The following MAP3K9 variants were observed in gnomAD, a reference collection of about 807,000 sequenced individuals.
MAP3K9 encodes mitogen-activated protein kinase kinase kinase 9.
A neutral mutation model predicts 95.8 loss-of-function variants in MAP3K9; 46 were observed. The ratio of observed to expected loss-of-function variants is 0.48; its 90% CI spans 0.38 to 0.61. The LOEUF (loss-of-function observed/expected upper bound fraction) is 0.61, where lower values mean the gene tolerates loss of function less well. MAP3K9 is among the 20% of genes least tolerant of loss of function. MAP3K9 has a pLI of 0.00. For missense variants in MAP3K9, 1,296 were observed against 1,474.3 expected (o/e 0.88, Z 1.98); for synonymous variants, 533 against 593.8 (o/e 0.90, Z 1.49).
chr14:70,784,526 T>C (rs1425622620), intron 2 of MAP3K9, among the ~76,000 whole-genome samples: 1 of 152,122 alleles, frequency 6.6e-6, no homozygotes, highest in Admixed American at 6.6e-5. Flanking sequence ...GCAGATCACT[T>C]GAGGACAGGA....
At chr14:70,744,757 C>T (rs1013823423) in intron 5 of MAP3K9, among the ~76,000 whole-genome samples, 37 of 152,294 alleles carry the variant, frequency 2.4e-4, no homozygotes, top group Admixed American at 9.2e-4. Context: ...GCAGACCGTG[C>T]CCCTGCAAAT....
intron 5 of MAP3K9, among the ~76,000 whole-genome samples, chr14:70,743,185 A>G (rs1381947557): frequency 6.6e-6 from 1 of 152,000 alleles, no homozygotes; most frequent in African/African-American, 2.4e-5. Flanking sequence ...ATTAGGTTTT[A>G]CCATGTTGGC....
intron 2 of MAP3K9, among the ~76,000 whole-genome samples, chr14:70,778,501 C>G (rs148739145): frequency 0.012 from 1,822 of 152,204 alleles, 47 homozygotes; most frequent in African/African-American, 0.042. Flanking sequence ...GTCTCAAACT[C>G]CTGACCTCAG....
At chr14:70,806,291 C>T (rs1402661880) in intron 1 of MAP3K9, among the ~76,000 whole-genome samples, 1 of 152,194 alleles carries the variant, frequency 6.6e-6, no homozygotes, top group African/African-American at 2.4e-5. Context: ...ACTTAATCTC[C>T]CTCATGTAAC....
intron 1 of MAP3K9, 126 bp from the exon 2 acceptor site, chr14:70,801,206 T>C: frequency 1.2e-6 from 1 of 862,386 alleles, no homozygotes; most frequent in South Asian, 1.8e-5. Context: ...TGTCTCCCCA[T>C]TATAAAGCAA....
Position 70,764,822 on chromosome 14 carries a change from T to TGA in MAP3K9, c.821-3642_821-3641dup, listed in dbSNP as rs1269857923. On this transcript the variant is annotated intron_variant, in intron 2 of 11. Transcript: ENST00000554752. Reference sequence around the variant, plus strand: ...ACTTCAGTTTGGGTGGCAGAGTGAGTGAGACCTCTCTCTCAAAAACAAACA... The same window carrying TGA: ...ACTTCAGTTTGGGTGGCAGAGTGAGTGAGAGACCTCTCTCTCAAAAACAAACA... 4.6e-5 allele frequency among the ~76,000 whole-genome samples: 7 copies of TGA among 151,606 alleles called. No homozygotes were observed. In the East Asian group the frequency reaches 1.2e-3, roughly 25 times the overall value.
chr14:70,773,060 T>C (rs1193090105), intron 2 of MAP3K9, among the ~76,000 whole-genome samples: 2 of 152,184 alleles, frequency 1.3e-5, no homozygotes, highest in African/African-American at 4.8e-5. Context: ...CCCATGCACA[T>C]TTGAAAAACA....
intron 2 of MAP3K9, among the ~76,000 whole-genome samples, chr14:70,772,796 T>C (rs149766497): frequency 3.8e-4 from 58 of 152,368 alleles, no homozygotes; most frequent in African/African-American, 1.4e-3. Flanking sequence ...TTTACACCTA[T>C]AATCTTATTT....
chr14:70,749,895 A>G (rs2054200871), intron 4 of MAP3K9, 38 bp downstream of exon 4: 1 of 1,613,522 alleles, frequency 6.2e-7, no homozygotes, highest in Non-Finnish European at 8.5e-7. Context: ...ACAAGAGGCA[A>G]AGTGTCTCCA....
chr14:70,758,486 T>C (rs538687374), intron 3 of MAP3K9, among the ~76,000 whole-genome samples: 10 of 152,346 alleles, frequency 6.6e-5, no homozygotes, highest in South Asian at 4.1e-4. Context: ...TGAAAAAGTT[T>C]GGTGGTTCCT....
rs144774265 is a variant in MAP3K9, at chr14:70,725,064, G to A, written c.*5316C>T. On this transcript the variant is annotated 3_prime_UTR_variant, in exon 12 of 12. Transcript: ENST00000554752. ...AGGTGAAAGGCAGGTCTGTTTCCAAGGGTTAACAAAGAGAGGTGTGGAAAA... is the reference window on the plus strand; with the variant it reads ...AGGTGAAAGGCAGGTCTGTTTCCAAAGGTTAACAAAGAGAGGTGTGGAAAA... 8.3e-3 allele frequency: 1,262 copies of A among 152,464 alleles called. 6 individuals carry two copies. Among genetic ancestry groups the A allele is most frequent in the Non-Finnish European group, 0.013 (877 of 68,140 alleles). The allele number at this position is 152,464 out of a possible 1,614,324, so 9.4% of individuals were successfully genotyped here. A position where few individuals can be genotyped will look rare whatever the true frequency, so the allele number is the denominator to read the frequency against.
chr14:70,797,489 G>C (rs2054877463), intron 2 of MAP3K9, among the ~76,000 whole-genome samples: 1 of 152,040 alleles, frequency 6.6e-6, no homozygotes, highest in Admixed American at 6.5e-5. Flanking sequence ...TGTAGTCCCA[G>C]AACTTTGAGA....
chr14:70,805,673 C>A (rs2139869064), intron 1 of MAP3K9, among the ~76,000 whole-genome samples: 1 of 152,322 alleles, frequency 6.6e-6, no homozygotes, highest in East Asian at 1.9e-4. Context: ...AATCCCAACA[C>A]TCTGGAAGGC....
chr14:70,794,409 A>T (rs2139848032), intron 2 of MAP3K9, among the ~76,000 whole-genome samples: 1 of 152,336 alleles, frequency 6.6e-6, no homozygotes, highest in Middle Eastern at 3.4e-3. Context: ...GAACGACGTT[A>T]TTCCCAATTA....
intron 3 of MAP3K9, among the ~76,000 whole-genome samples, chr14:70,752,665 A>G (rs2054245745): frequency 6.6e-6 from 1 of 152,188 alleles, no homozygotes; most frequent in Non-Finnish European, 1.5e-5. Flanking sequence ...AATAAAAACC[A>G]AAGGTCCCAC....
chr14:70,799,270 C>T (rs2054901875), intron 2 of MAP3K9, among the ~76,000 whole-genome samples: 1 of 152,148 alleles, frequency 6.6e-6, no homozygotes, highest in Non-Finnish European at 1.5e-5. Flanking sequence ...CCTCAGCTTC[C>T]CCAAAGTGCT....
chr14:70,763,447 G>A lies in MAP3K9; in HGVS notation c.821-2265C>T, dbSNP rs1051186635. 3.9e-5 allele frequency among the ~76,000 whole-genome samples: 6 copies of A among 151,980 alleles called. No individual in the cohort carries two copies. The South Asian group carries it at 8.3e-4, about 21-fold the overall frequency. Reference sequence around the variant, plus strand: ...AAACAAACCTACTGTGCAGGCAGTCGTATAACAGCATAGCATATACAATTA... The same window carrying A: ...AAACAAACCTACTGTGCAGGCAGTCATATAACAGCATAGCATATACAATTA... On this transcript the variant is annotated intron_variant, in intron 2 of 11. Transcript: ENST00000554752.
intron 2 of MAP3K9, among the ~76,000 whole-genome samples, chr14:70,789,185 C>T (rs1304495628): frequency 2.0e-5 from 3 of 152,120 alleles, no homozygotes; most frequent in Non-Finnish European, 2.9e-5. Context: ...GTTCAAGACG[C>T]ACGGGCCGTT....
chr14:70,744,350 A>G (rs181027300), intron 5 of MAP3K9, among the ~76,000 whole-genome samples: 5 of 152,128 alleles, frequency 3.3e-5, no homozygotes, highest in Middle Eastern at 3.4e-3. Flanking sequence ...AAAAATAAAT[A>G]AATAGTAAAA....
Sources: allele counts gnomAD v4.1 joint callset (sites outside exome capture counted in the v4.1 genomes callset), GRCh38; gene constraint gnomAD v4.1.1; transcripts MANE v1.5; gene names NCBI Gene and HGNC (gene_info 2026-07-23, HGNC 2026-07-21).